ABCA3: variants seen among roughly 807,000 people sequenced by gnomAD.
ABCA3 encodes ATP binding cassette subfamily A member 3.
A neutral mutation model predicts 172.8 loss-of-function variants in ABCA3; 88 were observed. The ratio of observed to expected loss-of-function variants is 0.51; its 90% confidence interval spans 0.43 to 0.61. The LOEUF is 0.61. Ranked by LOEUF, ABCA3 falls within the 20% of genes least tolerant of loss-of-function variation. The pLI is 0.00. For missense variants in ABCA3, 2,164 were observed against 2,301.0 expected (o/e 0.94, Z 1.22); for synonymous variants, 1,066 against 983.8 (o/e 1.08, Z -1.56).
chr16:2,319,542 C>T lies in ABCA3; in HGVS notation c.873+39G>A, dbSNP rs372723964. ...TGGACATGGCCTCCCCAGGACAGCG[C>T]GGTTTCTAGAGTGTTGGGGAGCCAA... On this transcript the variant is annotated intron_variant, in intron 8 of 32. Transcript: ENST00000301732. 38 of 1,603,252 alleles carry T rather than the reference C, an allele frequency of 2.4e-5. 1 individual carries two copies. Among genetic ancestry groups the T allele is most frequent in the Middle Eastern group, 3.3e-4 (2 of 6,070 alleles).
chr16:2,292,294 G>T, intron 18 of ABCA3, 56 bp from the exon 19 acceptor site: 1 of 1,493,696 alleles, frequency 6.7e-7, no homozygotes, highest in Non-Finnish European at 9.3e-7. Context: ...TAGATAATTT[G>T]TTCCTAAAGC....
rs538200867 is a variant in ABCA3 at position 2,284,026 on chromosome 16, C to T, written c.3862+253G>A. On this transcript the variant is annotated intron_variant, in intron 25 of 32. Coordinates refer to ENST00000301732, the MANE Select transcript of ABCA3 (RefSeq NM_001089.3). The surrounding 1 kb of genome is among the most constrained non-coding windows in gnomAD (Gnocchi z 5.9). Reference sequence around the variant, plus strand: ...TGGGGGATTCACTCCTCGTGCTAAGCGCTGGTCTGTGGTTCCTTGTTACAG... The same window carrying T: ...TGGGGGATTCACTCCTCGTGCTAAGTGCTGGTCTGTGGTTCCTTGTTACAG... 56 of 476,566 alleles carry T rather than the reference C, an allele frequency of 1.2e-4. No homozygotes were observed. Among genetic ancestry groups the T allele is most frequent in the East Asian group, 8.8e-4 (22 of 25,056 alleles). 29.5% of individuals were successfully genotyped at this position (476,566 alleles called of 1,614,324 possible).
Position 2,283,148 on chromosome 16 carries a change from G to T in ABCA3, c.4035+38C>A. On this transcript the variant is annotated intron_variant, in intron 26 of 32. Transcript: ENST00000301732. This position sits in a 1 kb window ranked among gnomAD's most constrained non-coding sequence, Gnocchi z 5.4. The stretch of plus-strand genomic sequence containing the variant: ...CTGGGCCCAAGCAGAGACGTGGGGA[G>T]CATCTCGCCAGTGTCCTGGGCTCCC... The T allele has an allele frequency of 6.2e-7, 1 of 1,601,068 alleles. No individual in the cohort carries two copies. Among genetic ancestry groups the T allele is most frequent in the Non-Finnish European group, 8.5e-7 (1 of 1,173,004 alleles).
At position 2,328,513 on chromosome 16, in the gene ABCA3, G is replaced by A. The variant is rs1284010029; in HGVS notation, c.-87C>T. The A allele has an allele frequency of 1.9e-6, 1 of 513,860 alleles. No homozygotes were observed. The highest frequency in any genetic ancestry group is 3.9e-6 in the Non-Finnish European group (1 of 257,744). 31.8% of individuals were successfully genotyped at this position (513,860 alleles called of 1,614,324 possible). ...TAGGCGCTGCAACCCGCAGGAAATA[G>A]GAGAAACGTGCTCTGAAAACTGAGT... On this transcript the variant is annotated 5_prime_UTR_variant, in exon 3 of 33. Transcript: ENST00000301732.
At chr16:2,290,023 C>T (rs577187590) in intron 19 of ABCA3, among the ~76,000 whole-genome samples, 4 of 151,428 alleles carry the variant, frequency 2.6e-5, no homozygotes, top group South Asian at 2.1e-4. Context: ...AGCTCCCCGC[C>T]GATTAGGAAA....
intron 1 of ABCA3, chr16:2,339,466 T>A (rs1380091087): frequency 6.6e-6 from 1 of 152,244 alleles, no homozygotes; most frequent in Admixed American, 6.5e-5. Context: ...TCCATTTTTA[T>A]CTATTTTTCC....
rs747816913 is a variant in ABCA3, at chr16:2,328,503, G to A, written c.-77C>T. ...TAAGTTCAAGTAGGCGCTGCAACCC[G>A]CAGGAAATAGGAGAAACGTGCTCTG... On this transcript the variant is annotated 5_prime_UTR_variant, in exon 3 of 33. Coordinates refer to ENST00000301732, the MANE Select transcript of ABCA3 (RefSeq NM_001089.3). 3.9e-5 allele frequency: 20 copies of A among 512,436 alleles called. No homozygotes were observed. Among genetic ancestry groups the A allele is most frequent in the Admixed American group, 3.2e-4 (16 of 50,540 alleles). The allele number at this position is 512,436 out of a possible 1,614,324, so 31.7% of individuals were successfully genotyped here.
intron 11 of ABCA3, among the ~76,000 whole-genome samples, chr16:2,307,471 C>G (rs1487430916): frequency 6.6e-6 from 1 of 152,006 alleles, no homozygotes; most frequent in African/African-American, 2.4e-5. Context: ...GGGAGGATCA[C>G]TTGAACCCAG....
chr16:2,299,685 G>A (rs1170647597), intron 13 of ABCA3, among the ~76,000 whole-genome samples, 153 bp from the exon 14 acceptor site: 1 of 152,202 alleles, frequency 6.6e-6, no homozygotes, highest in African/African-American at 2.4e-5. Context: ...GGCAGATGCT[G>A]CTCCTGGCTG....
At chr16:2,288,637 C>A (rs779447064) in intron 20 of ABCA3, among the ~76,000 whole-genome samples, 36 of 152,172 alleles carry the variant, frequency 2.4e-4, no homozygotes, top group Non-Finnish European at 4.7e-4. Context: ...CTCACTGCAA[C>A]CTCCACCTCC....
intron 14 of ABCA3, among the ~76,000 whole-genome samples, chr16:2,298,971 C>CT (rs1226157518): frequency 6.6e-6 from 1 of 152,092 alleles, no homozygotes; most frequent in Non-Finnish European, 1.5e-5. Flanking sequence ...GTGGTGGCCT[C>CT]TGTTTTCACT....
chr16:2,304,114 A>G lies in ABCA3; in HGVS notation c.1322T>C (p.Val441Ala). Residue 441 changes from valine to alanine, a missense_variant, in exon 12 of 33, where the codon GTC becomes GCC. Physicochemically the swap from Val to Ala is moderately conservative, Grantham distance 64. Around this residue, in one of 3 missense-constraint regions of ABCA3, gnomAD observed 1,343 missense variants for 1,369.6 expected, o/e 0.98. Transcript: ENST00000301732. ...GIQWRDLLSP[V>A]NVDDDFCFGQ... ...GAAGCAGAAGTCGTCGTCCACGTTG[A>G]CGGGACTCAGGAGGTCTCGCCACTG... 1.9e-6 allele frequency: 3 copies of G among 1,614,126 alleles called. No individual in the cohort carries two copies. Among genetic ancestry groups the G allele is most frequent in the Non-Finnish European group, 2.5e-6 (3 of 1,180,026 alleles).
chr16:2,306,196 C>T (rs150060067), intron 11 of ABCA3, among the ~76,000 whole-genome samples: 3 of 152,094 alleles, frequency 2.0e-5, no homozygotes, highest in African/African-American at 4.8e-5. Flanking sequence ...TGTGGTGGCA[C>T]GTGCCTGTAG....
At chr16:2,323,953 T>A (rs1438379580) in intron 6 of ABCA3, among the ~76,000 whole-genome samples, 1 of 152,194 alleles carries the variant, frequency 6.6e-6, no homozygotes, top group Non-Finnish European at 1.5e-5. Flanking sequence ...GTGTTCAGGA[T>A]CCCTGGAGGG....
At chr16:2,296,184 G>A (rs2093679494) in intron 17 of ABCA3, among the ~76,000 whole-genome samples, 1 of 152,062 alleles carries the variant, frequency 6.6e-6, no homozygotes, top group Non-Finnish European at 1.5e-5. Context: ...TATCAGAGAT[G>A]CATCTCACCT....
chr16:2,300,186 T>G (rs2093686766), intron 12 of ABCA3, 38 bp from the exon 13 acceptor site: 2 of 1,612,230 alleles, frequency 1.2e-6, no homozygotes, highest in East Asian at 4.5e-5. Flanking sequence ...TTGTTTTGTT[T>G]GTGACGAGCA....
Position 2,331,273 on chromosome 16 carries a change from C to T in ABCA3, c.-538-1419G>A, listed in dbSNP as rs182476223. Among the ~76,000 whole-genome samples, 50 of 152,166 alleles carry T rather than the reference C, an allele frequency of 3.3e-4. No individual in the cohort carries two copies. The Middle Eastern group carries it at 0.01, about 31-fold the overall frequency. ...CTGTCGCCGAGGCTGGGCACGATCT[C>T]GGCTCACAACAACCTCCACCTCCCA... On this transcript the variant is annotated intron_variant, in intron 1 of 32. Transcript: ENST00000301732.
rs774732832 is a variant in ABCA3 at position 2,295,744 on chromosome 16, G to A, written c.2264-4C>T. On this transcript the variant is annotated splice_polypyrimidine_tract_variant and splice_region_variant and intron_variant, in intron 17 of 32. Transcript: ENST00000301732. Reference sequence around the variant, plus strand: ...AGCGTCATGTGATAGCCGGCACCTGGAATACAGGGCCACGTGTGAGATCTT... The same window carrying A: ...AGCGTCATGTGATAGCCGGCACCTGAAATACAGGGCCACGTGTGAGATCTT... 1.2e-5 allele frequency: 20 copies of A among 1,613,692 alleles called. No individual in the cohort carries two copies. The highest frequency in any genetic ancestry group is 1.6e-5 in the Non-Finnish European group (19 of 1,180,054).
chr16:2,329,038 A>AT (rs1360228610), intron 2 of ABCA3, among the ~76,000 whole-genome samples: 1 of 148,978 alleles, frequency 6.7e-6, no homozygotes, highest in Admixed American at 6.8e-5. Flanking sequence ...ATCTAATAAT[A>AT]TTCAAAATTT....
Sources: allele counts gnomAD v4.1 joint callset (sites outside exome capture counted in the v4.1 genomes callset), GRCh38; gene constraint gnomAD v4.1.1; regional missense constraint gnomAD v4.1.1; non-coding constraint Gnocchi (gnomAD v3.1); transcripts MANE v1.5; gene names NCBI Gene and HGNC (gene_info 2026-07-23, HGNC 2026-07-21).